Variants in TRDN observed in about 807,000 individuals in gnomAD.
The protein encoded by TRDN is triadin in skeletal muscle.
Under a neutral mutation model 149.7 loss-of-function variants are expected in TRDN, and 161 were observed. That is an observed-to-expected ratio of 1.08 (90% CI 0.95 to 1.23). The LOEUF (loss-of-function observed/expected upper bound fraction) is 1.23, where lower values mean the gene tolerates loss of function less well. Among genes scored for constraint, TRDN ranks in the 50% most tolerant of loss-of-function variants. TRDN has a pLI of 0.00. For synonymous variants in TRDN, 294 were observed against 250.5 expected (o/e 1.17, Z -1.64); for missense variants, 896 against 823.5 (o/e 1.09, Z -1.08).
At chr6:123,586,615 C>T (rs150897056) in intron 1 of TRDN, among the ~76,000 whole-genome samples, 1,786 of 152,118 alleles carry the variant, frequency 0.012, 16 homozygotes, top group African/African-American at 0.026. Flanking sequence ...GAACTACTGT[C>T]GAGTTTGTAT....
chr6:123,236,426 C>T (rs9320921), intron 38 of TRDN, among the ~76,000 whole-genome samples: 101,616 of 152,046 alleles, frequency 0.67, 36,451 homozygotes, highest in Non-Finnish European at 0.81. Flanking sequence ...GTAGTCTTTT[C>T]CACAGAGCAC....
intron 24 of TRDN, among the ~76,000 whole-genome samples, chr6:123,302,559 A>T (rs1303497572): frequency 6.6e-6 from 1 of 152,140 alleles, no homozygotes; most frequent in Non-Finnish European, 1.5e-5. Context: ...GTTAGCAAGC[A>T]TTGATACAGT....
At chr6:123,495,790 G>A (rs1778420646) in intron 9 of TRDN, among the ~76,000 whole-genome samples, 1 of 151,916 alleles carries the variant, frequency 6.6e-6, no homozygotes, top group Admixed American at 6.6e-5. Context: ...CATTTTGTTT[G>A]TAGTCACTAG....
At chr6:123,321,228 T>G (rs1006981463) in intron 23 of TRDN, among the ~76,000 whole-genome samples, 1 of 152,168 alleles carries the variant, frequency 6.6e-6, no homozygotes, top group Non-Finnish European at 1.5e-5. Context: ...ACAGGATTGC[T>G]GTGAAAATTA....
chr6:123,419,466 T>C, intron 12 of TRDN, among the ~76,000 whole-genome samples: 1 of 152,150 alleles, frequency 6.6e-6, no homozygotes. Context: ...CTCTATTTCC[T>C]GGGTTCAAAT....
At chr6:123,409,174 A>G (rs1773327989) in intron 12 of TRDN, among the ~76,000 whole-genome samples, 1 of 152,196 alleles carries the variant, frequency 6.6e-6, no homozygotes, top group African/African-American at 2.4e-5. Flanking sequence ...CAATAATAAT[A>G]TCATATAGTC....
chr6:123,558,825 G>A (rs570447947), intron 2 of TRDN, among the ~76,000 whole-genome samples: 144 of 152,304 alleles, frequency 9.5e-4, no homozygotes, highest in Admixed American at 2.3e-3. Flanking sequence ...ACAAACCCCA[G>A]CCACATCTCC....
At chr6:123,390,238 G>C (rs1423915356) in intron 13 of TRDN, among the ~76,000 whole-genome samples, 1 of 152,126 alleles carries the variant, frequency 6.6e-6, no homozygotes, top group Non-Finnish European at 1.5e-5. Context: ...AATACATTTA[G>C]CAAAACTGTA....
intron 12 of TRDN, among the ~76,000 whole-genome samples, chr6:123,420,616 C>T (rs1264613637): frequency 2.6e-5 from 4 of 152,070 alleles, no homozygotes; most frequent in Non-Finnish European, 5.9e-5. Flanking sequence ...TGCAGAAATT[C>T]ACAGATGGGA....
At chr6:123,298,922 T>A (rs1225600145) in intron 24 of TRDN, among the ~76,000 whole-genome samples, 1 of 152,098 alleles carries the variant, frequency 6.6e-6, no homozygotes, top group Non-Finnish European at 1.5e-5. Context: ...ATATGAGATT[T>A]ATCATTAATG....
intron 12 of TRDN, among the ~76,000 whole-genome samples, chr6:123,405,860 C>A (rs186621716): frequency 1.8e-3 from 268 of 152,174 alleles, no homozygotes; most frequent in Admixed American, 3.2e-3. Context: ...AAGCAGAGAA[C>A]ACTCATTAGA....
At chr6:123,340,794 G>C (rs117112111) in intron 21 of TRDN, among the ~76,000 whole-genome samples, 1 of 151,892 alleles carries the variant, frequency 6.6e-6, no homozygotes, top group Non-Finnish European at 1.5e-5. Context: ...AAAGTGAAAC[G>C]ATATCTGATA....
chr6:123,500,665 TCAGGAAG>T (rs1291817914), intron 8 of TRDN, among the ~76,000 whole-genome samples: 1 of 152,180 alleles, frequency 6.6e-6, no homozygotes, highest in Admixed American at 6.6e-5. Context: ...TTCTTGATTC[TCAGGAAG>T]CAGTGATAGA....
chr6:123,631,943 T>G (rs149693731), intron 1 of TRDN, among the ~76,000 whole-genome samples: 29 of 152,204 alleles, frequency 1.9e-4, no homozygotes, highest in African/African-American at 7.0e-4. Flanking sequence ...ATAAGTAATT[T>G]TAAAAGACAA....
At chr6:123,492,842 A>G (rs1778280087) in intron 9 of TRDN, among the ~76,000 whole-genome samples, 1 of 152,182 alleles carries the variant, frequency 6.6e-6, no homozygotes, top group African/African-American at 2.4e-5. Flanking sequence ...AGTGACAAGT[A>G]GACTACTTTA....
chr6:123,265,752 TATTA>T (rs1776927451), intron 32 of TRDN, among the ~76,000 whole-genome samples: 6 of 147,686 alleles, frequency 4.1e-5, no homozygotes, highest in South Asian at 4.2e-4. Flanking sequence ...ATACTAATAA[TATTA>T]ATTATTAATA....
rs79100661 is a variant in TRDN, at chr6:123,483,131, C to T, written c.853+14062G>A. Among the ~76,000 whole-genome samples, 1,283 of 148,280 alleles carry T rather than the reference C, an allele frequency of 8.7e-3. 32 individuals are homozygous for T. The East Asian group carries it at 0.094, about 11-fold the overall frequency. On this transcript the variant is annotated intron_variant, in intron 9 of 40. Transcript: ENST00000334268. ...TTATTATTATTATTTGAGACCGAGT[C>T]TCGCCCTGTCGCCCAGACTGGAGTG...
intron 20 of TRDN, among the ~76,000 whole-genome samples, chr6:123,356,503 T>TCA (rs1780679779): frequency 9.3e-6 from 1 of 106,992 alleles, no homozygotes; most frequent in Non-Finnish European, 1.9e-5. Flanking sequence ...TACAAGAAGT[T>TCA]TATATATATA....
intron 12 of TRDN, chr6:123,433,973 G>C (rs921297510): frequency 6.6e-6 from 1 of 152,124 alleles, no homozygotes; most frequent in African/African-American, 2.4e-5. Context: ...ATCACCTTGT[G>C]GTGGAAGAGA....
Sources: gnomAD v4.1 joint callset for allele counts (sites outside exome capture counted in the v4.1 genomes callset) on GRCh38, gnomAD v4.1.1 for gene constraint, MANE v1.5 for transcripts, NCBI Gene and HGNC (gene_info 2026-07-23, HGNC 2026-07-21) for gene names.